Variants in CNOT6L observed in about 807,000 individuals in gnomAD.
The protein encoded by CNOT6L is CCR4-NOT transcription complex subunit 6-like.
In CNOT6L, 7 loss-of-function variants were observed where a neutral mutation model predicts 64.0. The observed-to-expected ratio is 0.11, with a 90% CI of 0.06 to 0.21. CNOT6L has a LOEUF of 0.21. CNOT6L is among the 10% of genes least tolerant of loss of function. The pLI, the probability that CNOT6L is intolerant of heterozygous loss-of-function variation, is 1.00. For synonymous variants in CNOT6L, 193 were observed against 243.4 expected (o/e 0.79, Z 1.93); for missense variants, 245 against 669.0 (o/e 0.37, Z 6.99).
At chr4:77,764,001 C>T (rs953810246) in intron 4 of CNOT6L, among the ~76,000 whole-genome samples, 2 of 152,156 alleles carry the variant, frequency 1.3e-5, no homozygotes, top group African/African-American at 4.8e-5. Context: ...AAGCTGTAGC[C>T]TTAAATGCTT....
intron 1 of CNOT6L, among the ~76,000 whole-genome samples, chr4:77,794,020 T>A (rs372758885): frequency 6.6e-6 from 1 of 151,110 alleles, no homozygotes; most frequent in African/African-American, 2.4e-5. Context: ...GGCATGGTAG[T>A]GGGCACCTGT....
intron 1 of CNOT6L, among the ~76,000 whole-genome samples, chr4:77,807,977 C>T (rs1397219305): frequency 6.6e-6 from 1 of 151,992 alleles, no homozygotes; most frequent in Non-Finnish European, 1.5e-5. Context: ...AGGGGTCAGT[C>T]AATAAGCTGC....
chr4:77,805,954 T>A (rs6533271), intron 1 of CNOT6L, among the ~76,000 whole-genome samples: 120,008 of 152,104 alleles, frequency 0.79, 48,169 homozygotes, highest in Non-Finnish European at 0.86. Flanking sequence ...TTAACCAACA[T>A]AAAATACACA....
intron 4 of CNOT6L, among the ~76,000 whole-genome samples, chr4:77,765,313 C>T (rs1428411746): frequency 6.6e-6 from 1 of 152,154 alleles, no homozygotes; most frequent in Non-Finnish European, 1.5e-5. Context: ...GGCTGCTCTG[C>T]CTATGGAGTA....
At chr4:77,798,298 A>G (rs1014770983) in intron 1 of CNOT6L, among the ~76,000 whole-genome samples, 1 of 152,234 alleles carries the variant, frequency 6.6e-6, no homozygotes, top group Non-Finnish European at 1.5e-5. Flanking sequence ...ACAGATTGAG[A>G]TCTTGTCTCT....
At chr4:77,749,555 A>T (rs1724615728) in intron 5 of CNOT6L, among the ~76,000 whole-genome samples, 1 of 152,232 alleles carries the variant, frequency 6.6e-6, no homozygotes, top group Admixed American at 6.5e-5. Flanking sequence ...AGGTAATATA[A>T]TATCAACATT....
Position 77,716,300 on chromosome 4 carries a change from C to A in CNOT6L, c.*4131G>T, listed in dbSNP as rs1720742301. ...ATATTTTGCAAAGCTATTAAAATAT[C>A]TCAGAAACAGAATAAAAAAGCTTAG... is the stretch of plus-strand genomic sequence containing the variant. On this transcript the variant is annotated 3_prime_UTR_variant, in exon 12 of 12. Transcript: ENST00000504123. 6.6e-6 allele frequency: 1 copy of A among 152,022 alleles called. No individual in the cohort carries two copies. The highest frequency in any genetic ancestry group is 6.6e-5 in the Admixed American group (1 of 15,232). The allele number at this position is 152,022 out of a possible 1,614,324, so 9.4% of individuals were successfully genotyped here. A position where few individuals can be genotyped will look rare whatever the true frequency, so the allele number is the denominator to read the frequency against.
chr4:77,771,129 G>C (rs1479881916), intron 4 of CNOT6L, among the ~76,000 whole-genome samples: 1 of 152,118 alleles, frequency 6.6e-6, no homozygotes, highest in Non-Finnish European at 1.5e-5. Context: ...AGATCAGCCT[G>C]ACCAACATAG....
intron 6 of CNOT6L, among the ~76,000 whole-genome samples, chr4:77,745,081 TAGAC>T (rs1453724184): frequency 3.3e-5 from 5 of 152,362 alleles, no homozygotes; most frequent in African/African-American, 1.2e-4. Flanking sequence ...AGTCTAGAAT[TAGAC>T]TAACAGCTTA....
At chr4:77,784,593 C>A (rs1181011744) in intron 1 of CNOT6L, among the ~76,000 whole-genome samples, 2 of 151,404 alleles carry the variant, frequency 1.3e-5, no homozygotes, top group Admixed American at 6.6e-5. Flanking sequence ...AAGTGATCCT[C>A]TCACCTCAGT....
At chr4:77,752,746 T>C (rs1464453855) in intron 5 of CNOT6L, among the ~76,000 whole-genome samples, 1 of 151,740 alleles carries the variant, frequency 6.6e-6, no homozygotes, top group Non-Finnish European at 1.5e-5. Flanking sequence ...TACATAAATA[T>C]ATACATAAAT....
At chr4:77,781,624 A>G (rs528864857) in intron 1 of CNOT6L, among the ~76,000 whole-genome samples, 7 of 152,098 alleles carry the variant, frequency 4.6e-5, no homozygotes, top group Admixed American at 1.3e-4. Context: ...AAGTAGCATA[A>G]CTCCCCCTGA....
intron 4 of CNOT6L, among the ~76,000 whole-genome samples, chr4:77,766,792 G>A (rs761326200): frequency 7.3e-5 from 11 of 151,350 alleles, no homozygotes; most frequent in Admixed American, 3.3e-4. Flanking sequence ...GGCCAGGCAC[G>A]GTGGCTCATA....
chr4:77,752,177 G>T (rs1724933764), intron 5 of CNOT6L, among the ~76,000 whole-genome samples: 1 of 152,016 alleles, frequency 6.6e-6, no homozygotes, highest in South Asian at 2.1e-4. Flanking sequence ...AAAAAGGAAA[G>T]AACAAGGAAT....
intron 4 of CNOT6L, among the ~76,000 whole-genome samples, chr4:77,768,479 ATATATATATATATATATATAT>A (rs1727135325): frequency 1.3e-3 from 5 of 3,762 alleles, no homozygotes; most frequent in Middle Eastern, 0.071. Flanking sequence ...AAATAAATAT[ATATATATATATATATATATAT>A]ATATATATAT....
At chr4:77,790,834 A>G (rs1182338551) in intron 1 of CNOT6L, among the ~76,000 whole-genome samples, 1 of 105,682 alleles carries the variant, frequency 9.5e-6, no homozygotes, top group Non-Finnish European at 2.0e-5. Context: ...TTTTTTTTTC[A>G]TTTTTAGTAA....
intron 5 of CNOT6L, among the ~76,000 whole-genome samples, chr4:77,753,848 C>T (rs1416193752): frequency 1.3e-5 from 2 of 148,588 alleles, no homozygotes; most frequent in African/African-American, 2.5e-5. Context: ...TAAAAATAAT[C>T]TACTCATCTT....
intron 1 of CNOT6L, among the ~76,000 whole-genome samples, chr4:77,816,288 T>C (rs1413953380): frequency 6.6e-6 from 1 of 152,170 alleles, no homozygotes; most frequent in Non-Finnish European, 1.5e-5. Context: ...ATAAAGTCTT[T>C]TAAAATAATT....
rs1720831606 is a variant in CNOT6L, at chr4:77,717,140, A to C, written c.*3291T>G. 2 of 152,522 alleles carry C rather than the reference A, an allele frequency of 1.3e-5. No individual in the cohort carries two copies. The highest frequency in any genetic ancestry group is 1.3e-4 in the Admixed American group (2 of 15,238). 9.4% of individuals were successfully genotyped at this position (152,522 alleles called of 1,614,324 possible). ...GGGATTCTGTTCTCTGCTTGCTTTT[A>C]GGCAGTGCTGTTGCTTAAAAGTTGA... On this transcript the variant is annotated 3_prime_UTR_variant, in exon 12 of 12. Transcript: ENST00000504123.
Sources: allele counts gnomAD v4.1 joint callset (sites outside exome capture counted in the v4.1 genomes callset), GRCh38; gene constraint gnomAD v4.1.1; transcripts MANE v1.5; gene names NCBI Gene and HGNC (gene_info 2026-07-23, HGNC 2026-07-21).